Variants in ARMC3 observed in about 807,000 individuals in gnomAD.
ARMC3 encodes armadillo repeat containing 3, also known as armadillo repeat-containing protein 3.
A neutral mutation model predicts 90.3 loss-of-function variants in ARMC3; 74 were observed. The observed-to-expected ratio is 0.82, with a 90% CI of 0.68 to 0.99. The LOEUF (loss-of-function observed/expected upper bound fraction) is 0.99. Among genes scored for constraint, ARMC3 ranks in the 50% least tolerant of loss-of-function variants. ARMC3 has a pLI of 0.00. For synonymous variants in ARMC3, 334 were observed against 361.8 expected, an observed-to-expected ratio of 0.92 and a Z score of 0.87; for missense variants, 958 against 1,042.8, an observed-to-expected ratio of 0.92 and a Z score of 1.12.
intron 1 of ARMC3, among the ~76,000 whole-genome samples, chr10:22,930,854 A>G (rs1833899645): frequency 6.6e-6 from 1 of 152,206 alleles, no homozygotes; most frequent in Non-Finnish European, 1.5e-5. Context: ...GATGTCAAAC[A>G]TAATTCCACA....
intron 2 of ARMC3, among the ~76,000 whole-genome samples, chr10:22,943,368 A>G (rs2131173909): frequency 6.6e-6 from 1 of 152,030 alleles, no homozygotes; most frequent in South Asian, 2.1e-4. Context: ...TGAGTTGAGC[A>G]ATTTTCCTTT....
intron 10 of ARMC3, among the ~76,000 whole-genome samples, chr10:22,982,584 A>G (rs1314791304): frequency 6.6e-6 from 1 of 152,226 alleles, no homozygotes. Context: ...TTTTATCGAA[A>G]TAGCTGAGCT....
In ARMC3 at chr10:22,976,012, A is replaced by G. The variant is rs183584918; in HGVS notation, c.917-5328A>G. 1.5e-3 allele frequency among the ~76,000 whole-genome samples: 226 copies of G among 152,306 alleles called. 2 individuals are homozygous for G. Among genetic ancestry groups the G allele is most frequent in the African/African-American group, 5.3e-3 (219 of 41,560 alleles). ...GTGCCCTTTGCCTGTTTTCCCATCAATTGAAAGGGCAGTGGACTCCTTTAG... is the reference window on the plus strand; with the variant it reads ...GTGCCCTTTGCCTGTTTTCCCATCAGTTGAAAGGGCAGTGGACTCCTTTAG... On this transcript the variant is annotated intron_variant, in intron 8 of 18. Transcript: ENST00000298032.
chr10:22,933,145 G>A (rs1443491870), intron 2 of ARMC3, among the ~76,000 whole-genome samples: 5 of 152,180 alleles, frequency 3.3e-5, no homozygotes, highest in African/African-American at 1.2e-4. Context: ...ATCTACAGAA[G>A]TGCCTGTCTT....
At chr10:22,995,068 T>A (rs991204748) in intron 10 of ARMC3, among the ~76,000 whole-genome samples, 4 of 152,238 alleles carry the variant, frequency 2.6e-5, no homozygotes, top group South Asian at 4.1e-4. Flanking sequence ...ACAAAGCAGT[T>A]TGACTTCCAT....
intron 4 of ARMC3, 73 bp downstream of exon 4, chr10:22,956,005 A>T: frequency 7.3e-7 from 1 of 1,361,928 alleles, no homozygotes; most frequent in Non-Finnish European, 9.9e-7. Context: ...ATTTAACATT[A>T]AGGAATTTGT....
At chr10:22,933,660 C>T (rs998109905) in intron 2 of ARMC3, among the ~76,000 whole-genome samples, 7 of 152,074 alleles carry the variant, frequency 4.6e-5, no homozygotes, top group South Asian at 2.1e-4. Flanking sequence ...CTGAGGCGGG[C>T]GGATCACGAG....
At chr10:23,025,334 G>A (rs1016381457) in intron 16 of ARMC3, among the ~76,000 whole-genome samples, 3 of 151,768 alleles carry the variant, frequency 2.0e-5, no homozygotes, top group South Asian at 2.1e-4. Context: ...GAAAATTCAC[G>A]AATACCCTGA....
At chr10:23,022,327 TC>T (rs1838544098) in intron 16 of ARMC3, among the ~76,000 whole-genome samples, 1 of 152,180 alleles carries the variant, frequency 6.6e-6, no homozygotes, top group South Asian at 2.1e-4. Context: ...TGTACCTTTG[TC>T]AAAAATCACT....
At chr10:22,957,728 T>G (rs543146481) in intron 4 of ARMC3, among the ~76,000 whole-genome samples, 3 of 152,316 alleles carry the variant, frequency 2.0e-5, no homozygotes, top group Admixed American at 6.5e-5. Context: ...AGTACTCAAT[T>G]GAATTATGGG....
intron 10 of ARMC3, among the ~76,000 whole-genome samples, chr10:22,990,082 C>G (rs771042601): frequency 2.0e-5 from 3 of 152,166 alleles, no homozygotes; most frequent in African/African-American, 7.2e-5. Flanking sequence ...TGCATAACCT[C>G]GTTTTAAAGT....
intron 16 of ARMC3, among the ~76,000 whole-genome samples, chr10:23,013,865 T>A (rs947894291): frequency 2.0e-5 from 3 of 151,074 alleles, no homozygotes; most frequent in Non-Finnish European, 2.9e-5. Flanking sequence ...CTTTTTTTTT[T>A]ATCTTTATAT....
At chr10:22,947,530 A>C (rs548205684) in intron 3 of ARMC3, among the ~76,000 whole-genome samples, 1 of 152,356 alleles carries the variant, frequency 6.6e-6, no homozygotes, top group East Asian at 1.9e-4. Context: ...CAAAACTGTC[A>C]TGGCTATCTA....
chr10:22,997,422 A>G (rs1415956238), intron 10 of ARMC3: 1 of 152,188 alleles, frequency 6.6e-6, no homozygotes, highest in East Asian at 1.9e-4. Flanking sequence ...ATGTTAGTAT[A>G]TTAATGGTAA....
chr10:22,942,652 T>TA (rs1269367444), intron 2 of ARMC3, among the ~76,000 whole-genome samples: 1 of 152,154 alleles, frequency 6.6e-6, no homozygotes, highest in African/African-American at 2.4e-5. Flanking sequence ...TGTAAATTGA[T>TA]AAAAACCACT....
chr10:22,962,089 T>C lies in ARMC3; in HGVS notation c.732+11T>C. On this transcript the variant is annotated intron_variant, in intron 7 of 18. Coordinates refer to ENST00000298032, the MANE Select transcript of ARMC3 (RefSeq NM_173081.5). Reference sequence around the variant, plus strand: ...ATCCTAGAAACTAAGGTATTTAGTTTCATTCATTCCACCCTCTATGAGGAA... The same window carrying C: ...ATCCTAGAAACTAAGGTATTTAGTTCCATTCATTCCACCCTCTATGAGGAA... 1.3e-6 allele frequency: 2 copies of C among 1,518,176 alleles called. No homozygotes were observed. Among genetic ancestry groups the C allele is most frequent in the East Asian group, 2.3e-5 (1 of 42,778 alleles). 94.0% of individuals were successfully genotyped at this position (1,518,176 alleles called of 1,614,324 possible). A position where few individuals can be genotyped will look rare whatever the true frequency, so the allele number is the denominator to read the frequency against.
At chr10:23,029,493 C>T (rs1838837781) in intron 16 of ARMC3, among the ~76,000 whole-genome samples, 1 of 152,034 alleles carries the variant, frequency 6.6e-6, no homozygotes, top group South Asian at 2.1e-4. Context: ...TTTTGTTTGA[C>T]TCATTAATTA....
At chr10:23,033,173 A>C in intron 18 of ARMC3, 150 bp downstream of exon 18, 1 of 705,096 alleles carries the variant, frequency 1.4e-6, no homozygotes, top group Non-Finnish European at 2.3e-6. Context: ...ATATATACTT[A>C]TATACAAGCA....
intron 17 of ARMC3, 36 bp downstream of exon 17, chr10:23,030,832 TG>T: frequency 6.3e-7 from 1 of 1,593,232 alleles, no homozygotes; most frequent in Non-Finnish European, 8.5e-7. Flanking sequence ...TTTTAATTTC[TG>T]AAAAAATTTT....
Sources: allele counts gnomAD v4.1 joint callset (sites outside exome capture counted in the v4.1 genomes callset), GRCh38; gene constraint gnomAD v4.1.1; transcripts MANE v1.5; gene names NCBI Gene and HGNC (gene_info 2026-07-23, HGNC 2026-07-21).